PDE11A: variants seen among roughly 807,000 people sequenced by gnomAD.
PDE11A encodes the protein dual 3',5'-cyclic-AMP and -GMP phosphodiesterase 11A.
Under a neutral mutation model 100.5 loss-of-function variants are expected in PDE11A, and 100 were observed. That is an observed-to-expected ratio of 1.00 (90% CI 0.85 to 1.18). The LOEUF is 1.18. Ranked by LOEUF, PDE11A falls within the 50% of genes most tolerant of loss-of-function variation. The probability of loss-of-function intolerance (pLI) is 0.00; values close to 1 mark genes in which losing one functional copy is unlikely to be tolerated. For synonymous variants in PDE11A, 381 were observed against 420.8 expected (o/e 0.91, Z 1.16); for missense variants, 1,141 against 1,152.6 (o/e 0.99, Z 0.15).
intron 10 of PDE11A, among the ~76,000 whole-genome samples, chr2:177,766,828 T>C (rs1271971986): frequency 6.6e-6 from 1 of 152,242 alleles, no homozygotes; most frequent in Non-Finnish European, 1.5e-5. Context: ...TGTAATAGGA[T>C]ACTAGCTAAT....
chr2:177,755,551 T>G (rs151077151), intron 10 of PDE11A, among the ~76,000 whole-genome samples: 8 of 152,318 alleles, frequency 5.3e-5, no homozygotes, highest in Middle Eastern at 3.4e-3. Flanking sequence ...TGGCCCTCCT[T>G]CTGCTGCGAC....
chr2:177,954,008 CTT>C (rs1167544238), intron 2 of PDE11A, among the ~76,000 whole-genome samples: 3 of 151,634 alleles, frequency 2.0e-5, no homozygotes, highest in Non-Finnish European at 4.4e-5. Flanking sequence ...CAAATGGAAA[CTT>C]TATCATGGGA....
At chr2:177,949,867 G>C (rs1256083452) in intron 2 of PDE11A, among the ~76,000 whole-genome samples, 4 of 152,160 alleles carry the variant, frequency 2.6e-5, no homozygotes, top group Admixed American at 2.0e-4. Context: ...TATAGGGCGT[G>C]ATGCAAATAC....
At chr2:178,049,869 G>C (rs1246136842) in intron 1 of PDE11A, among the ~76,000 whole-genome samples, 2 of 152,216 alleles carry the variant, frequency 1.3e-5, no homozygotes, top group African/African-American at 4.8e-5. Context: ...AAACTGGGTA[G>C]AGCCCACCGC....
intron 14 of PDE11A, among the ~76,000 whole-genome samples, 193 bp from the exon 15 acceptor site, chr2:177,697,625 A>G (rs2081133636): frequency 6.6e-6 from 1 of 152,238 alleles, no homozygotes; most frequent in Non-Finnish European, 1.5e-5. Context: ...ATTTTTGACA[A>G]AGTCTAACAA....
chr2:177,925,299 C>G (rs2105758259), intron 2 of PDE11A, among the ~76,000 whole-genome samples: 1 of 152,148 alleles, frequency 6.6e-6, no homozygotes, highest in Non-Finnish European at 1.5e-5. Flanking sequence ...CCTGAGGAAT[C>G]TCCACACTGA....
At chr2:178,007,471 T>C (rs2086225381) in intron 2 of PDE11A, among the ~76,000 whole-genome samples, 1 of 152,284 alleles carries the variant, frequency 6.6e-6, no homozygotes, top group South Asian at 2.1e-4. Context: ...AAATTATAGT[T>C]TCACAGTGAT....
chr2:178,075,573 A>AG (rs2105875791), upstream of PDE11A, among the ~76,000 whole-genome samples: 1 of 151,440 alleles, frequency 6.6e-6, no homozygotes, highest in East Asian at 1.9e-4. Context: ...AAAAAAAAAA[A>AG]AAGACATCAA....
intron 10 of PDE11A, among the ~76,000 whole-genome samples, chr2:177,761,077 T>C (rs888701652): frequency 1.3e-5 from 2 of 152,116 alleles, no homozygotes; most frequent in African/African-American, 4.8e-5. Context: ...GGAGGATACA[T>C]GAATGAAGAA....
intron 5 of PDE11A, among the ~76,000 whole-genome samples, chr2:177,845,319 C>G (rs9679102): frequency 1.4e-5 from 2 of 142,698 alleles, no homozygotes; most frequent in African/African-American, 2.6e-5. Flanking sequence ...TCAGACGGGG[C>G]GGCCGGGCAG....
intron 4 of PDE11A, among the ~76,000 whole-genome samples, chr2:177,893,306 G>T (rs547413897): frequency 4.6e-5 from 7 of 152,076 alleles, no homozygotes; most frequent in Middle Eastern, 3.4e-3. Flanking sequence ...TCTATTTATT[G>T]ATTGATTGAT....
At chr2:177,893,987 G>T (rs997190898) in intron 4 of PDE11A, among the ~76,000 whole-genome samples, 3 of 152,056 alleles carry the variant, frequency 2.0e-5, no homozygotes, top group African/African-American at 7.2e-5. Context: ...TTCTAACTTG[G>T]ACTAGTTTTT....
chr2:177,843,001 A>C (rs749491477), intron 5 of PDE11A, among the ~76,000 whole-genome samples: 14 of 152,316 alleles, frequency 9.2e-5, no homozygotes, highest in Non-Finnish European at 1.6e-4. Flanking sequence ...AGGGAAATCT[A>C]TATCTAGGGA....
Position 178,039,674 on chromosome 2 carries a change from A to AAAAAT in PDE11A, c.913-25219_913-25215dup, listed in dbSNP as rs141299349. Among the ~76,000 whole-genome samples, 348 of 151,958 alleles carry AAAAAT rather than the reference A, an allele frequency of 2.3e-3. 1 individual carries two copies. The highest frequency in any genetic ancestry group is 3.7e-3 in the Non-Finnish European group (252 of 67,936). On this transcript the variant is annotated intron_variant, in intron 1 of 19. Transcript: ENST00000286063. ...AAGCAAAAAATAAAAATAAATAAAT[A>AAAAAT]AAAATAAAATAAAATAAAATAACTA...
At chr2:177,772,039 C>T (rs1219697579) in intron 9 of PDE11A, among the ~76,000 whole-genome samples, 2 of 148,174 alleles carry the variant, frequency 1.3e-5, no homozygotes, top group African/African-American at 5.2e-5. Flanking sequence ...AAAAATAATG[C>T]TACTTTCTGA....
In PDE11A at chr2:177,855,681, C is replaced by G. The variant is rs1344329359; in HGVS notation, c.1368-15298G>C. ...TTCACAGAACTTGTCTTTATTTGAC[C>G]TGACTCAGGGCTTGTTTATTGAGAA... is the stretch of plus-strand genomic sequence containing the variant. On this transcript the variant is annotated intron_variant, in intron 5 of 19. Coordinates refer to ENST00000286063, the MANE Select transcript of PDE11A (RefSeq NM_016953.4). 2.0e-5 allele frequency among the ~76,000 whole-genome samples: 3 copies of G among 152,062 alleles called. No homozygotes were observed. The East Asian group carries it at 5.8e-4, about 29-fold the overall frequency.
chr2:177,680,961 G>T, intron 15 of PDE11A, 58 bp from the exon 16 acceptor site: 1 of 904,106 alleles, frequency 1.1e-6, no homozygotes, highest in Non-Finnish European at 1.8e-6. Flanking sequence ...AGATTTCCCA[G>T]TCTGTGGGGT....
chr2:177,670,194 C>T (rs942077614), intron 17 of PDE11A, among the ~76,000 whole-genome samples: 2 of 152,096 alleles, frequency 1.3e-5, no homozygotes, highest in African/African-American at 2.4e-5. Flanking sequence ...GTTTGAAGAG[C>T]ATGACTTGGT....
chr2:177,631,996 G>A (rs1284336464), intron 19 of PDE11A, among the ~76,000 whole-genome samples: 2 of 152,122 alleles, frequency 1.3e-5, no homozygotes, highest in East Asian at 3.9e-4. Flanking sequence ...AGGAAGGTAA[G>A]AATCCATATA....
Sources: allele counts gnomAD v4.1 joint callset (sites outside exome capture counted in the v4.1 genomes callset), GRCh38; gene constraint gnomAD v4.1.1; transcripts MANE v1.5; gene names NCBI Gene and HGNC (gene_info 2026-07-23, HGNC 2026-07-21).